Variants in SLC1A3 observed in about 807,000 individuals in gnomAD.
SLC1A3 encodes the protein solute carrier family 1 member 3.
In SLC1A3, 21 loss-of-function variants were observed where a neutral mutation model predicts 48.1. That is an observed-to-expected ratio of 0.44 (90% CI 0.31 to 0.63). SLC1A3 has a LOEUF of 0.63. Among genes scored for constraint, SLC1A3 ranks in the 20% least tolerant of loss-of-function variants. The pLI, the probability that SLC1A3 is intolerant of heterozygous loss-of-function variation, is 0.08. For synonymous variants in SLC1A3, 239 were observed against 251.4 expected, an observed-to-expected ratio of 0.95 and a Z score of 0.47; for missense variants, 546 against 689.0, an observed-to-expected ratio of 0.79 and a Z score of 2.32.
intron 3 of SLC1A3, among the ~76,000 whole-genome samples, chr5:36,665,343 G>A (rs1741696554): frequency 6.6e-6 from 1 of 152,128 alleles, no homozygotes; most frequent in South Asian, 2.1e-4. Context: ...TAGGCACTGA[G>A]GCCACTGCAA....
chr5:36,667,602 A>G lies in SLC1A3; in HGVS notation c.320-3427A>G, dbSNP rs922736930. 4 of 152,306 alleles carry G rather than the reference A, an allele frequency of 2.6e-5. No homozygotes were observed. The East Asian group carries it at 5.8e-4, about 22-fold the overall frequency. The allele number at this position is 152,306 out of a possible 1,614,324, so 9.4% of individuals were successfully genotyped here. A position where few individuals can be genotyped will look rare whatever the true frequency, so the allele number is the denominator to read the frequency against. On this transcript the variant is annotated intron_variant, in intron 3 of 9. Coordinates refer to ENST00000265113, the MANE Select transcript of SLC1A3 (RefSeq NM_004172.5). Reference sequence around the variant, plus strand: ...TCTCTTGTTTCTTCACCTATAATATAGTATCAACAATATCTGCATTATACA... The same window carrying G: ...TCTCTTGTTTCTTCACCTATAATATGGTATCAACAATATCTGCATTATACA...
At chr5:36,598,504 T>C (rs1199077880) in intron 1 of SLC1A3, among the ~76,000 whole-genome samples, 1 of 152,192 alleles carries the variant, frequency 6.6e-6, no homozygotes, top group Non-Finnish European at 1.5e-5. Flanking sequence ...GCCCTACCAA[T>C]TCTATCTTTT....
At chr5:36,642,719 C>G (rs1015141147) in intron 3 of SLC1A3, among the ~76,000 whole-genome samples, 2 of 152,086 alleles carry the variant, frequency 1.3e-5, no homozygotes, top group Non-Finnish European at 2.9e-5. Flanking sequence ...CCCCCCGATT[C>G]CCCCAAGCCC....
In SLC1A3 at chr5:36,648,973, C is replaced by T. The variant is rs961321587; in HGVS notation, c.319+19386C>T. On this transcript the variant is annotated intron_variant, in intron 3 of 9. Coordinates refer to ENST00000265113, the MANE Select transcript of SLC1A3 (RefSeq NM_004172.5). The stretch of plus-strand genomic sequence containing the variant: ...ACTGTACAGTGCTATAATTATAGTC[C>T]TTATGTATGTTTAATTGTAAAAGTC... Among the ~76,000 whole-genome samples the T allele has an allele frequency of 2.0e-5, 3 of 152,048 alleles. No individual in the cohort carries two copies. The East Asian group carries it at 5.8e-4, about 29-fold the overall frequency.
intron 3 of SLC1A3, among the ~76,000 whole-genome samples, chr5:36,664,508 T>TTA (rs1741653902): frequency 1.3e-5 from 2 of 151,984 alleles, no homozygotes; most frequent in Admixed American, 6.6e-5. Flanking sequence ...TTTTTTTTTT[T>TTA]ACCAGAAACT....
intron 1 of SLC1A3, among the ~76,000 whole-genome samples, chr5:36,599,667 G>GC (rs1431113541): frequency 7.0e-6 from 1 of 142,556 alleles, no homozygotes; most frequent in Non-Finnish European, 1.5e-5. Flanking sequence ...GCGCCACCAC[G>GC]CCTGCTAATT....
chr5:36,629,023 G>A (rs1232583573), intron 2 of SLC1A3, among the ~76,000 whole-genome samples: 1 of 152,102 alleles, frequency 6.6e-6, no homozygotes, highest in Non-Finnish European at 1.5e-5. Context: ...CTTTAAAAGT[G>A]GTTATGTTAG....
At position 36,612,188 on chromosome 5, in the gene SLC1A3, C is replaced by A. The variant is rs185508796; in HGVS notation, c.181+3584C>A. 1.9e-3 allele frequency among the ~76,000 whole-genome samples: 285 copies of A among 151,898 alleles called. 4 individuals are homozygous for A. The highest frequency in any genetic ancestry group is 6.8e-3 in the African/African-American group (283 of 41,470). On this transcript the variant is annotated intron_variant, in intron 2 of 9. Transcript: ENST00000265113. ...TCCTTTCTCTGATATTGATCTCTCA[C>A]ACACACACACATACACACACACTCA...
At position 36,680,415 on chromosome 5, in the gene SLC1A3, C is replaced by A. The variant is rs1319055603; in HGVS notation, c.1115C>A (p.Thr372Asn). Reference sequence around the variant, plus strand: ...CTCAGTTCTGCCACCCTACCCATCACCTTCAAGTGCCTGGAAGAGAACAAT... The same window carrying A: ...CTCAGTTCTGCCACCCTACCCATCAACTTCAAGTGCCTGGAAGAGAACAAT... ...TSSSSATLPI[T>N]FKCLEENNGV... Residue 372 changes from threonine to asparagine, a missense_variant, in exon 8 of 10, where the codon ACC becomes AAC. By Grantham distance (65) the Thr-to-Asn change is moderately conservative (BLOSUM62 0). Around this residue, in one of 3 missense-constraint regions of SLC1A3, gnomAD observed 142 missense variants for 238.0 expected, o/e 0.60. Coordinates refer to ENST00000265113, the MANE Select transcript of SLC1A3 (RefSeq NM_004172.5). 1 of 1,614,168 alleles carries A rather than the reference C, an allele frequency of 6.2e-7. No individual in the cohort carries two copies. Among genetic ancestry groups the A allele is most frequent in the Non-Finnish European group, 8.5e-7 (1 of 1,179,994 alleles).
chr5:36,646,688 A>G (rs1490807921), intron 3 of SLC1A3, among the ~76,000 whole-genome samples: 2 of 152,212 alleles, frequency 1.3e-5, no homozygotes, highest in Non-Finnish European at 2.9e-5. Flanking sequence ...GTCTATAACA[A>G]TAATTGACCT....
At chr5:36,658,181 A>G (rs1305455236) in intron 3 of SLC1A3, among the ~76,000 whole-genome samples, 1 of 152,160 alleles carries the variant, frequency 6.6e-6, no homozygotes, top group Admixed American at 6.5e-5. Flanking sequence ...GGTTGTGGGA[A>G]TTCAGGGGCT....
intron 3 of SLC1A3, among the ~76,000 whole-genome samples, chr5:36,632,786 G>C (rs918682838): frequency 6.6e-6 from 1 of 152,192 alleles, no homozygotes; most frequent in Non-Finnish European, 1.5e-5. Flanking sequence ...TTTAAATTCT[G>C]AGACATCTAA....
intron 3 of SLC1A3, among the ~76,000 whole-genome samples, chr5:36,650,261 T>C (rs1741007794): frequency 6.6e-6 from 1 of 152,218 alleles, no homozygotes; most frequent in South Asian, 2.1e-4. Flanking sequence ...AAGGCTGCTT[T>C]CCACTGGGGT....
intron 2 of SLC1A3, 152 bp downstream of exon 2, chr5:36,608,756 G>C: frequency 4.1e-6 from 6 of 1,457,988 alleles, no homozygotes; most frequent in Non-Finnish European, 5.4e-6. Context: ...CCATAAAAAT[G>C]ACTGTTTTGG....
intron 1 of SLC1A3, among the ~76,000 whole-genome samples, chr5:36,596,966 G>A (rs1166626986): frequency 1.3e-5 from 2 of 152,134 alleles, no homozygotes; most frequent in Non-Finnish European, 1.5e-5. Flanking sequence ...TTGCCGCCTG[G>A]GGGTTGCTCC....
rs1263115479 is a variant in SLC1A3 at position 36,676,982 on chromosome 5, G to A, written c.658G>A (p.Ala220Thr). ...TGCTGTGATAAACAATGTGTCTGAG[G>A]CCATGGAGACTCTTACCCGAATCAC... Reference protein sequence around the residue: ...VGAVINNVSEAMETLTRITEE... With the variant: ...VGAVINNVSETMETLTRITEE... The change falls in exon 6 of 10, where the codon GCC becomes ACC. Residue 220 changes from alanine to threonine, a missense_variant. Around this residue, in one of 3 missense-constraint regions of SLC1A3, gnomAD observed 348 missense variants for 392.0 expected, o/e 0.89. Coordinates refer to ENST00000265113, the MANE Select transcript of SLC1A3 (RefSeq NM_004172.5). 1 of 1,614,036 alleles carries A rather than the reference G, an allele frequency of 6.2e-7. No individual in the cohort carries two copies. The highest frequency in any genetic ancestry group is 1.1e-5 in the South Asian group (1 of 91,078).
chr5:36,683,526 T>C (rs1276602378), intron 8 of SLC1A3, among the ~76,000 whole-genome samples: 1 of 151,916 alleles, frequency 6.6e-6, no homozygotes, highest in African/African-American at 2.4e-5. Flanking sequence ...CTGGCTAACA[T>C]GGTGAAATCC....
chr5:36,633,430 T>C (rs757533280), intron 3 of SLC1A3, among the ~76,000 whole-genome samples: 1 of 152,158 alleles, frequency 6.6e-6, no homozygotes, highest in East Asian at 1.9e-4. Context: ...CTGGGACGTA[T>C]GGTAGGGCAC....
intron 6 of SLC1A3, among the ~76,000 whole-genome samples, chr5:36,677,890 C>A (rs1215973677): frequency 6.6e-6 from 1 of 152,204 alleles, no homozygotes; most frequent in East Asian, 1.9e-4. Context: ...ATGTAAATGG[C>A]AGTTCTGCTG....
Sources: allele counts gnomAD v4.1 joint callset (sites outside exome capture counted in the v4.1 genomes callset), GRCh38; gene constraint gnomAD v4.1.1; regional missense constraint gnomAD v4.1.1; transcripts MANE v1.5; gene names NCBI Gene and HGNC (gene_info 2026-07-23, HGNC 2026-07-21).